FAM78B: variants seen among roughly 807,000 people sequenced by gnomAD.
The protein encoded by FAM78B is protein FAM78B.
In FAM78B, 10 loss-of-function variants were observed where a neutral mutation model predicts 20.0. That is an observed-to-expected ratio of 0.50 (90% CI 0.31 to 0.85). The LOEUF is 0.85. FAM78B is among the 40% of genes least tolerant of loss of function. The pLI, the probability that FAM78B is intolerant of heterozygous loss-of-function variation, is 0.05. For synonymous variants in FAM78B, 135 were observed against 132.8 expected (o/e 1.02, Z -0.12); for missense variants, 283 against 345.0 (o/e 0.82, Z 1.42).
At chr1:166,121,075 C>G (rs990228368) in intron 1 of FAM78B, among the ~76,000 whole-genome samples, 1 of 152,152 alleles carries the variant, frequency 6.6e-6, no homozygotes. Context: ...TGTAGAGCCT[C>G]GGGCAATTTT....
At chr1:166,122,738 G>A (rs148778774) in intron 1 of FAM78B, among the ~76,000 whole-genome samples, 1 of 152,282 alleles carries the variant, frequency 6.6e-6, no homozygotes, top group African/African-American at 2.4e-5. Flanking sequence ...ATATCTAACA[G>A]GATTATTGCG....
chr1:166,127,247 C>A (rs1654677223), intron 1 of FAM78B, among the ~76,000 whole-genome samples: 1 of 152,220 alleles, frequency 6.6e-6, no homozygotes, highest in Non-Finnish European at 1.5e-5. Context: ...CAGCTTTTGG[C>A]AGCTGCAATC....
At chr1:166,130,213 T>C (rs1173893940) in intron 1 of FAM78B, among the ~76,000 whole-genome samples, 1 of 152,194 alleles carries the variant, frequency 6.6e-6, no homozygotes, top group Non-Finnish European at 1.5e-5. Context: ...ACACAGTAAA[T>C]ATCAAGCCCA....
At chr1:166,105,413 C>A (rs947086125) in intron 1 of FAM78B, among the ~76,000 whole-genome samples, 25 of 151,996 alleles carry the variant, frequency 1.6e-4, no homozygotes, top group African/African-American at 5.8e-4. Flanking sequence ...TCAGAGTGAA[C>A]AGGCAACCTA....
At chr1:166,134,740 A>G (rs1007479366) in intron 1 of FAM78B, among the ~76,000 whole-genome samples, 1 of 152,176 alleles carries the variant, frequency 6.6e-6, no homozygotes, top group Non-Finnish European at 1.5e-5. Flanking sequence ...ATTCGTAACG[A>G]TAACTTAAAA....
At chr1:166,060,856 T>C (rs1651566763) in intron 2 of FAM78B, among the ~76,000 whole-genome samples, 1 of 152,150 alleles carries the variant, frequency 6.6e-6, no homozygotes, top group African/African-American at 2.4e-5. Context: ...ATATATAACT[T>C]TCATATGGTT....
intron 1 of FAM78B, among the ~76,000 whole-genome samples, chr1:166,109,878 A>G (rs7364548): frequency 0.046 from 758 of 16,424 alleles, 126 homozygotes; most frequent in Non-Finnish European, 0.077. Flanking sequence ...GTATATATAT[A>G]TATGTATATA....
chr1:166,064,699 G>C (rs577031135), downstream of FAM78B, among the ~76,000 whole-genome samples: 12 of 152,326 alleles, frequency 7.9e-5, no homozygotes, highest in African/African-American at 2.6e-4. Flanking sequence ...CTTCCAAGTA[G>C]ATGAGGCCAG....
chr1:166,090,148 T>C (rs191478163), intron 1 of FAM78B, among the ~76,000 whole-genome samples: 54 of 152,350 alleles, frequency 3.5e-4, no homozygotes, highest in Middle Eastern at 3.4e-3. Context: ...CCCAGAGCCC[T>C]GTAATCTTCT....
intron 1 of FAM78B, among the ~76,000 whole-genome samples, chr1:166,090,690 C>T (rs568479891): frequency 6.6e-6 from 1 of 152,330 alleles, no homozygotes; most frequent in South Asian, 2.1e-4. Flanking sequence ...CAACAAGACT[C>T]ATGAAATGGT....
intron 1 of FAM78B, among the ~76,000 whole-genome samples, chr1:166,089,589 G>A (rs1652983380): frequency 6.6e-6 from 1 of 152,056 alleles, no homozygotes. Flanking sequence ...GGGCAGCCAT[G>A]AAGCATGGCC....
intron 1 of FAM78B, among the ~76,000 whole-genome samples, chr1:166,157,883 C>T (rs1223722594): frequency 6.6e-6 from 1 of 152,202 alleles, no homozygotes; most frequent in African/African-American, 2.4e-5. Flanking sequence ...CGTCCCCCTG[C>T]TCCCAAGGAA....
chr1:166,100,012 T>C (rs1653448640), intron 1 of FAM78B, among the ~76,000 whole-genome samples: 2 of 152,154 alleles, frequency 1.3e-5, no homozygotes, highest in South Asian at 2.1e-4. Flanking sequence ...TGATAGGCCA[T>C]AAAACGAGCC....
At chr1:166,126,976 AT>A (rs1253786361) in intron 1 of FAM78B, among the ~76,000 whole-genome samples, 1 of 152,194 alleles carries the variant, frequency 6.6e-6, no homozygotes, top group Non-Finnish European at 1.5e-5. Flanking sequence ...AGACTCAGAT[AT>A]TTGTGATCTG....
At chr1:166,117,718 A>C (rs1310774155) in intron 1 of FAM78B, among the ~76,000 whole-genome samples, 1 of 152,192 alleles carries the variant, frequency 6.6e-6, no homozygotes, top group African/African-American at 2.4e-5. Context: ...ATGCACTTAA[A>C]ATATCTAAAG....
chr1:166,148,604 T>C (rs1655560941), intron 1 of FAM78B, among the ~76,000 whole-genome samples: 1 of 152,240 alleles, frequency 6.6e-6, no homozygotes, highest in Non-Finnish European at 1.5e-5. Context: ...AAAATCTGTA[T>C]TAGAAAAGGA....
intron 1 of FAM78B, among the ~76,000 whole-genome samples, chr1:166,083,253 TA>T (rs1289900093): frequency 3.9e-5 from 6 of 152,250 alleles, no homozygotes; most frequent in African/African-American, 9.6e-5. Context: ...ATATTCTCAT[TA>T]AAAAAATTAA....
chr1:166,162,861 T>C (rs1241319445), intron 1 of FAM78B, among the ~76,000 whole-genome samples: 1 of 152,116 alleles, frequency 6.6e-6, no homozygotes. Flanking sequence ...ACCTCCATAT[T>C]TTTGCTGGTC....
At chr1:166,061,614 A>G (rs2101941696) in intron 2 of FAM78B, among the ~76,000 whole-genome samples, 1 of 152,340 alleles carries the variant, frequency 6.6e-6, no homozygotes, top group African/African-American at 2.4e-5. Context: ...ATGCGCCATT[A>G]CATATATAAT....
Sources: allele counts gnomAD v4.1 joint callset (sites outside exome capture counted in the v4.1 genomes callset), GRCh38; gene constraint gnomAD v4.1.1; transcripts MANE v1.5; gene names NCBI Gene and HGNC (gene_info 2026-07-23, HGNC 2026-07-21).